Variants in ZNF133 observed in about 807,000 individuals in gnomAD.
ZNF133 encodes the protein zinc finger protein 133.
A neutral mutation model predicts 54.9 loss-of-function variants in ZNF133; 26 were observed. The observed-to-expected ratio is 0.47, with a 90% CI of 0.35 to 0.66. The LOEUF (loss-of-function observed/expected upper bound fraction) is 0.66. Ranked by LOEUF, ZNF133 falls within the 30% of genes least tolerant of loss-of-function variation. The pLI is 0.01. For synonymous variants in ZNF133, 298 were observed against 320.3 expected (o/e 0.93, Z 0.74); for missense variants, 653 against 820.8 (o/e 0.80, Z 2.50).
Position 18,316,312 on chromosome 20 carries a change from G to C in ZNF133, c.1461G>C (p.Thr487=), listed in dbSNP as rs139392054. ...QQSNLIRHQR[T]HSGEKPMVCG... ...CCAACCTCATCAGACACCAGAGGAC[G>C]CACTCAGGCGAGAAGCCCATGGTGT... Residue 487 remains threonine, a synonymous_variant, in exon 7 of 7, where the codon ACG becomes ACC. Coordinates refer to ENST00000425686, the MANE Select transcript of ZNF133 (RefSeq NM_001352452.2). 6.2e-7 allele frequency: 1 copy of C among 1,610,640 alleles called. No individual in the cohort carries two copies. Among genetic ancestry groups the C allele is most frequent in the African/African-American group, 1.3e-5 (1 of 74,248 alleles).
Position 18,316,082 on chromosome 20 carries a change from G to T in ZNF133, c.1231G>T (p.Val411Leu), listed in dbSNP as rs1328101427. The T allele has an allele frequency of 6.2e-7, 1 of 1,613,256 alleles. No homozygotes were observed. The highest frequency in any genetic ancestry group is 8.5e-7 in the Non-Finnish European group (1 of 1,179,548). ...QRTHSKEKPY[V>L]CGVCGHSFSQ... Reference sequence around the variant, plus strand: ...GACACACTCAAAGGAGAAGCCCTATGTGTGCGGGGTGTGTGGGCACAGCTT... The same window carrying T: ...GACACACTCAAAGGAGAAGCCCTATTTGTGCGGGGTGTGTGGGCACAGCTT... The change falls in exon 7 of 7, where the codon GTG (valine) becomes TTG (leucine). Residue 411 changes from valine to leucine, a missense_variant. This residue lies in a region of ZNF133 where 292 missense variants were observed against 431.6 expected (regional missense o/e 0.68). Transcript: ENST00000425686.
chr20:18,301,305 T>C (rs2043312811), intron 3 of ZNF133, among the ~76,000 whole-genome samples: 1 of 151,982 alleles, frequency 6.6e-6, no homozygotes, highest in African/African-American at 2.4e-5. Context: ...TTAGCTGAAA[T>C]ACATTAGAAA....
intron 3 of ZNF133, among the ~76,000 whole-genome samples, chr20:18,304,742 G>A (rs1237738831): frequency 6.6e-6 from 1 of 152,198 alleles, no homozygotes; most frequent in African/African-American, 2.4e-5. Context: ...GAAAGAATGG[G>A]AAGTTATTGT....
In ZNF133 at chr20:18,305,638, A is replaced by C. The variant is rs1406735565; in HGVS notation, c.-6-43A>C. ...CCCTGCCCCTCACCCTGCCATGGGCAAGGCTGGCTTCTGAGTGAGCAGGGC... is the reference window on the plus strand; with the variant it reads ...CCCTGCCCCTCACCCTGCCATGGGCCAGGCTGGCTTCTGAGTGAGCAGGGC... On this transcript the variant is annotated intron_variant, in intron 4 of 6. Coordinates refer to ENST00000425686, the MANE Select transcript of ZNF133 (RefSeq NM_001352452.2). This position sits in a 1 kb window ranked among gnomAD's most constrained non-coding sequence, Gnocchi z 4.7. The C allele has an allele frequency of 1.5e-5, 24 of 1,613,448 alleles. No homozygotes were observed. Among genetic ancestry groups the C allele is most frequent in the Non-Finnish European group, 1.9e-5 (22 of 1,179,918 alleles).
chr20:18,301,882 T>C (rs2043422561), intron 3 of ZNF133, among the ~76,000 whole-genome samples: 1 of 152,072 alleles, frequency 6.6e-6, no homozygotes, highest in Admixed American at 6.5e-5. Context: ...CCAAAAGTAT[T>C]GAAGAGGAGG....
intron 1 of ZNF133, among the ~76,000 whole-genome samples, chr20:18,293,434 A>C (rs1051841244): frequency 2.6e-5 from 4 of 152,228 alleles, no homozygotes; most frequent in African/African-American, 9.6e-5. Context: ...AGCAGGATTG[A>C]ACTCGTTACG....
chr20:18,309,174 A>G (rs1422317869), intron 6 of ZNF133, among the ~76,000 whole-genome samples: 1 of 152,080 alleles, frequency 6.6e-6, no homozygotes, highest in Non-Finnish European at 1.5e-5. Flanking sequence ...ACCTTATTTA[A>G]CCTTAATTAC....
In ZNF133 at chr20:18,316,501, C is replaced by T. The variant is rs1430000060; in HGVS notation, c.1650C>T (p.Tyr550=). ...HKRKHSREKP[Y]MCRQCGLGFG... ...GGAAGCACTCGAGGGAGAAGCCCTACATGTGCAGGCAGTGTGGACTGGGCT... is the reference window on the plus strand; with the variant it reads ...GGAAGCACTCGAGGGAGAAGCCCTATATGTGCAGGCAGTGTGGACTGGGCT... The change falls in exon 7 of 7, where the codon TAC becomes TAT. Residue 550 remains tyrosine, a synonymous_variant. Coordinates refer to ENST00000425686, the MANE Select transcript of ZNF133 (RefSeq NM_001352452.2). 2 of 1,614,078 alleles carry T rather than the reference C, an allele frequency of 1.2e-6. No homozygotes were observed. Among genetic ancestry groups the T allele is most frequent in the East Asian group, 2.2e-5 (1 of 44,890 alleles).
intron 3 of ZNF133, among the ~76,000 whole-genome samples, 166 bp downstream of exon 3, chr20:18,298,630 G>C (rs780209194): frequency 3.3e-4 from 51 of 152,302 alleles, no homozygotes; most frequent in Middle Eastern, 3.4e-3. Context: ...TTGAGGATCT[G>C]TGTTCTGATT....
At chr20:18,313,435 G>A (rs2046575094) in intron 6 of ZNF133, 1 of 152,210 alleles carries the variant, frequency 6.6e-6, no homozygotes, top group African/African-American at 2.4e-5. Context: ...TTATAAGGGT[G>A]GGTGGGAGGT....
In ZNF133 at chr20:18,307,450, C is replaced by T. The variant is rs568061739; in HGVS notation, c.217+1057C>T. On this transcript the variant is annotated intron_variant, in intron 6 of 6. Transcript: ENST00000425686. Reference sequence around the variant, plus strand: ...TAAAGATAGCATTCCATTGTTCTGCCTGCCATTGTTTCTGATGGAGAAGTC... The same window carrying T: ...TAAAGATAGCATTCCATTGTTCTGCTTGCCATTGTTTCTGATGGAGAAGTC... Among the ~76,000 whole-genome samples the T allele has an allele frequency of 8.8e-4, 134 of 152,262 alleles. 1 individual carries two copies. The highest frequency in any genetic ancestry group is 3.1e-3 in the African/African-American group (127 of 41,560).
At chr20:18,311,300 C>T (rs1396025767) in intron 6 of ZNF133, among the ~76,000 whole-genome samples, 1 of 152,068 alleles carries the variant, frequency 6.6e-6, no homozygotes, top group Non-Finnish European at 1.5e-5. Flanking sequence ...GCCTGGGCCA[C>T]AGAGTGAGAT....
intron 1 of ZNF133, among the ~76,000 whole-genome samples, chr20:18,290,501 T>C (rs2040699092): frequency 6.6e-6 from 1 of 152,186 alleles, no homozygotes; most frequent in Non-Finnish European, 1.5e-5. Context: ...TAACCACAAT[T>C]TCATTGTTAT....
chr20:18,305,650 T>C lies in ZNF133; in HGVS notation c.-6-31T>C. 6.2e-7 allele frequency: 1 copy of C among 1,613,950 alleles called. No individual in the cohort carries two copies. The highest frequency in any genetic ancestry group is 8.5e-7 in the Non-Finnish European group (1 of 1,179,964). ...CCCTGCCATGGGCAAGGCTGGCTTCTGAGTGAGCAGGGCTCAGTTTTGTGT... is the reference window on the plus strand; with the variant it reads ...CCCTGCCATGGGCAAGGCTGGCTTCCGAGTGAGCAGGGCTCAGTTTTGTGT... On this transcript the variant is annotated intron_variant, in intron 4 of 6. Coordinates refer to ENST00000425686, the MANE Select transcript of ZNF133 (RefSeq NM_001352452.2). This position sits in a 1 kb window ranked among gnomAD's most constrained non-coding sequence, Gnocchi z 4.7.
At chr20:18,299,595 A>T (rs898053213) in intron 3 of ZNF133, among the ~76,000 whole-genome samples, 1 of 152,216 alleles carries the variant, frequency 6.6e-6, no homozygotes, top group South Asian at 2.1e-4. Context: ...AGCTCAATGA[A>T]CTATAAGTAG....
At chr20:18,303,313 C>T (rs560703170) in intron 3 of ZNF133, among the ~76,000 whole-genome samples, 1 of 152,210 alleles carries the variant, frequency 6.6e-6, no homozygotes, top group South Asian at 2.1e-4. Flanking sequence ...TCCCAAAGTG[C>T]TAGGGTTACA....
intron 3 of ZNF133, among the ~76,000 whole-genome samples, chr20:18,300,775 C>T (rs1802235496): frequency 6.6e-6 from 1 of 151,970 alleles, no homozygotes; most frequent in Admixed American, 6.5e-5. Context: ...AGAAATTATA[C>T]ACATATACCT....
At position 18,315,461 on chromosome 20, in the gene ZNF133, A is replaced by T; in HGVS notation, c.610A>T (p.Lys204Ter). ...GNPEETDKLL[K>*]RIEVLGFGTV... ...CCCTGAGGAAACAGACAAATTGTTG[A>T]AGAGGATAGAAGTCTTAGGATTTGG... The change falls in exon 7 of 7, where the codon AAG becomes TAG. Residue 204 changes from lysine to a stop codon, truncating the protein, a stop_gained. Coordinates refer to ENST00000425686, the MANE Select transcript of ZNF133 (RefSeq NM_001352452.2). LOFTEE classifies it high-confidence loss of function. 2 of 1,614,208 alleles carry T rather than the reference A, an allele frequency of 1.2e-6. No homozygotes were observed. Among genetic ancestry groups the T allele is most frequent in the Non-Finnish European group, 1.7e-6 (2 of 1,180,050 alleles).
intron 1 of ZNF133, among the ~76,000 whole-genome samples, chr20:18,291,938 A>G (rs1187327949): frequency 2.6e-5 from 4 of 152,102 alleles, no homozygotes; most frequent in African/African-American, 4.8e-5. Context: ...TTCCCTGAAC[A>G]TGTTCCACCC....
Sources: gnomAD v4.1 joint callset for allele counts (sites outside exome capture counted in the v4.1 genomes callset) on GRCh38, gnomAD v4.1.1 for gene constraint, gnomAD v4.1.1 regional missense constraint, Gnocchi (gnomAD v3.1) non-coding constraint, MANE v1.5 for transcripts, NCBI Gene and HGNC (gene_info 2026-07-23, HGNC 2026-07-21) for gene names.